Variants in HMCN1 observed in about 807,000 individuals in gnomAD.
The protein encoded by HMCN1 is hemicentin-1.
A neutral mutation model predicts 625.9 loss-of-function variants in HMCN1; 321 were observed. The observed-to-expected ratio is 0.51, with a 90% CI of 0.47 to 0.56. The LOEUF (loss-of-function observed/expected upper bound fraction) is 0.56. HMCN1 is among the 20% of genes least tolerant of loss of function. HMCN1 has a pLI of 0.00. For synonymous variants in HMCN1, 2,425 were observed against 2,417.6 expected, an observed-to-expected ratio of 1.00 and a Z score of -0.09; for missense variants, 6,588 against 6,887.3, an observed-to-expected ratio of 0.96 and a Z score of 1.54.
chr1:186,158,583 T>C (rs1379838403), intron 97 of HMCN1, among the ~76,000 whole-genome samples: 1 of 152,110 alleles, frequency 6.6e-6, no homozygotes, highest in East Asian at 1.9e-4. Context: ...AACGTTTAAG[T>C]CTTTAATCCA....
chr1:186,115,147 T>C, intron 74 of HMCN1, 111 bp from the exon 75 acceptor site: 2 of 1,447,500 alleles, frequency 1.4e-6, no homozygotes, highest in Non-Finnish European at 1.9e-6. Flanking sequence ...TCTTGTTTGC[T>C]CATAACTATG....
intron 11 of HMCN1, among the ~76,000 whole-genome samples, chr1:185,956,187 G>C (rs1297041672): frequency 2.0e-5 from 3 of 152,090 alleles, no homozygotes; most frequent in Admixed American, 6.5e-5. Context: ...TCTGACATCA[G>C]ATATGTGGGA....
chr1:185,951,052 T>C (rs1454221983), intron 11 of HMCN1, among the ~76,000 whole-genome samples: 4 of 150,704 alleles, frequency 2.7e-5, no homozygotes, highest in Non-Finnish European at 4.4e-5. Flanking sequence ...TGGTGTCGAG[T>C]GGGGTAAGGG....
intron 1 of HMCN1, among the ~76,000 whole-genome samples, chr1:185,844,592 G>A (rs1293707552): frequency 6.6e-6 from 1 of 152,150 alleles, no homozygotes; most frequent in African/African-American, 2.4e-5. Context: ...AAAGCTAAAT[G>A]TTAAGTATCT....
intron 4 of HMCN1, among the ~76,000 whole-genome samples, chr1:185,872,354 C>G (rs917396901): frequency 2.6e-5 from 4 of 152,064 alleles, no homozygotes; most frequent in Admixed American, 1.3e-4. Context: ...TTCCAGGCAC[C>G]TGGGAGTGCT....
At chr1:186,132,561 C>T (rs1661998266) in intron 86 of HMCN1, 152 bp downstream of exon 86, 9 of 688,548 alleles carry the variant, frequency 1.3e-5, no homozygotes, top group South Asian at 1.1e-4. Flanking sequence ...GAGCAGTTGT[C>T]ATCAAACATA....
chr1:186,159,462 T>C (rs1651279659), intron 97 of HMCN1, among the ~76,000 whole-genome samples: 2 of 152,256 alleles, frequency 1.3e-5, no homozygotes, highest in Admixed American at 6.5e-5. Flanking sequence ...CTATGTTGAA[T>C]AGGAGTGGTG....
chr1:185,964,654 G>T (rs1394149087), intron 13 of HMCN1, among the ~76,000 whole-genome samples: 1 of 152,106 alleles, frequency 6.6e-6, no homozygotes, highest in Non-Finnish European at 1.5e-5. Flanking sequence ...AATGGGGGTG[G>T]ATATATACGG....
At chr1:185,894,703 T>C (rs1285741124) in intron 4 of HMCN1, among the ~76,000 whole-genome samples, 2 of 152,248 alleles carry the variant, frequency 1.3e-5, no homozygotes, top group African/African-American at 4.8e-5. Flanking sequence ...GTGTATCGTA[T>C]GATTATTTTA....
At chr1:185,791,787 A>G (rs1171921539) in intron 1 of HMCN1, among the ~76,000 whole-genome samples, 4 of 152,166 alleles carry the variant, frequency 2.6e-5, no homozygotes, top group Non-Finnish European at 5.9e-5. Flanking sequence ...ATTTCTTCAT[A>G]TATTCAAACT....
Position 186,120,012 on chromosome 1 carries a change from C to A in HMCN1, c.12096C>A (p.Gly4032=). The change falls in exon 80 of 107, where the codon GGC becomes GGA. Residue 4032 remains glycine (G), a splice_region_variant and synonymous_variant. Coordinates refer to ENST00000271588, the MANE Select transcript of HMCN1 (RefSeq NM_031935.3). The stretch of plus-strand genomic sequence containing the variant: ...TCTGCTTTTGTAACTATGTTGTAGG[C>A]AGAAACCATGCAGTTCTTCCTAGTG... ...QKEGINVNTS[G]RNHAVLPSGG... 6.2e-7 allele frequency: 1 copy of A among 1,613,916 alleles called. No homozygotes were observed. Among genetic ancestry groups the A allele is most frequent in the Non-Finnish European group, 8.5e-7 (1 of 1,179,920 alleles).
At position 185,989,601 on chromosome 1, in the gene HMCN1, C is replaced by T; in HGVS notation, c.3162C>T (p.Thr1054=). Residue 1054 remains threonine (T), a synonymous_variant, in exon 21 of 107, where the codon ACC becomes ACT. Coordinates refer to ENST00000271588, the MANE Select transcript of HMCN1 (RefSeq NM_031935.3). ...EESGEYVCTA[T]NTAGYAKRKV... ...GTGGGGAGTATGTCTGCACTGCCAC[C>T]AATACAGCCGGCTACGCCAAAAGGA... 6.2e-7 allele frequency: 1 copy of T among 1,613,928 alleles called. No individual in the cohort carries two copies. Among genetic ancestry groups the T allele is most frequent in the Non-Finnish European group, 8.5e-7 (1 of 1,179,962 alleles).
intron 57 of HMCN1, among the ~76,000 whole-genome samples, chr1:186,084,427 A>G (rs2102390653): frequency 6.6e-6 from 1 of 152,306 alleles, no homozygotes; most frequent in African/African-American, 2.4e-5. Flanking sequence ...TTCTTTCACC[A>G]GTTAATGATG....
intron 4 of HMCN1, among the ~76,000 whole-genome samples, chr1:185,880,137 G>A (rs972329487): frequency 6.6e-6 from 1 of 152,038 alleles, no homozygotes; most frequent in Non-Finnish European, 1.5e-5. Flanking sequence ...CCTAGATGAG[G>A]GATATATTTT....
chr1:185,846,205 G>T (rs760155300), intron 2 of HMCN1, 109 bp downstream of exon 2: 100 of 828,974 alleles, frequency 1.2e-4, no homozygotes, highest in Non-Finnish European at 1.7e-4. Flanking sequence ...CTTTTTAAGG[G>T]ACCCAATAAT....
chr1:186,120,254 ACATTCTTAGTTTG>A lies in HMCN1; in HGVS notation c.12229+114_12229+126del, dbSNP rs1661339181. 4.0e-6 allele frequency: 5 copies of A among 1,249,210 alleles called. No individual in the cohort carries two copies. In the South Asian group the frequency reaches 5.5e-5, roughly 14 times the overall value. 77.4% of individuals were successfully genotyped at this position (1,249,210 alleles called of 1,614,324 possible). A position where few individuals can be genotyped will look rare whatever the true frequency, so the allele number is the denominator to read the frequency against. On this transcript the variant is annotated intron_variant, in intron 80 of 106. Transcript: ENST00000271588. Reference sequence around the variant, plus strand: ...TGCTGCTGTTCCCCCATAGTTCTCGACATTCTTAGTTTGCATTATCCTATTGGTTTTTCTATCA... The same window carrying A: ...TGCTGCTGTTCCCCCATAGTTCTCGACATTATCCTATTGGTTTTTCTATCA...
chr1:186,040,471 C>A (rs1432296204), intron 39 of HMCN1, among the ~76,000 whole-genome samples: 1 of 151,994 alleles, frequency 6.6e-6, no homozygotes, highest in Non-Finnish European at 1.5e-5. Context: ...GCATAGTATT[C>A]CTAACATTAT....
intron 21 of HMCN1, 137 bp from the exon 22 acceptor site, chr1:185,990,138 A>G (rs1652320348): frequency 7.2e-6 from 6 of 832,546 alleles, no homozygotes; most frequent in Non-Finnish European, 1.0e-5. Flanking sequence ...GTATTAATGG[A>G]AAGTTTTAGC....
rs767332100 is a variant in HMCN1, at chr1:186,151,249, T to C, written c.14658T>C (p.Val4886=). The C allele has an allele frequency of 1.4e-5, 22 of 1,613,754 alleles. No homozygotes were observed. Residue 4886 remains valine (V), a synonymous_variant, in exon 94 of 107, where the codon GTT becomes GTC. Coordinates refer to ENST00000271588, the MANE Select transcript of HMCN1 (RefSeq NM_031935.3). The part of the protein sequence containing the change: ...RGSVIGNIND[V]EFGIAFLNAT... Reference sequence around the variant, plus strand: ...GTGTTATTGGAAATATTAATGATGTTGAATTTGGAATTGCTTTCCTTAATG... The same window carrying C: ...GTGTTATTGGAAATATTAATGATGTCGAATTTGGAATTGCTTTCCTTAATG...
Sources: allele counts gnomAD v4.1 joint callset (sites outside exome capture counted in the v4.1 genomes callset), GRCh38; gene constraint gnomAD v4.1.1; transcripts MANE v1.5; gene names NCBI Gene and HGNC (gene_info 2026-07-23, HGNC 2026-07-21).